The following CASK variants were observed in gnomAD, a reference collection of about 807,000 sequenced individuals.
CASK encodes the protein peripheral plasma membrane protein CASK.
Under a neutral mutation model 82.9 loss-of-function variants are expected in CASK, and 4 were observed. That is an observed-to-expected ratio of 0.05 (90% CI 0.02 to 0.11). The LOEUF (loss-of-function observed/expected upper bound fraction) is 0.11. CASK is among the 10% of genes least tolerant of loss of function. The probability of loss-of-function intolerance (pLI) is 1.00; values close to 1 mark genes in which losing one functional copy is unlikely to be tolerated. For synonymous variants in CASK, 259 were observed against 253.5 expected, an observed-to-expected ratio of 1.02 and a Z score of -0.20; for missense variants, 358 against 720.9, an observed-to-expected ratio of 0.50 and a Z score of 5.76.
At chrX:41,775,088 T>C (rs2069327349) in intron 3 of CASK, among the ~76,000 whole-genome samples, 2 of 105,546 alleles carry the variant, frequency 1.9e-5, no homozygotes, top group South Asian at 8.9e-4. Flanking sequence ...ACCATCAGAG[T>C]GAACAGGCAA....
intron 26 of CASK, among the ~76,000 whole-genome samples, chrX:41,522,738 C>A (rs1425927401): frequency 8.9e-6 from 1 of 112,338 alleles, no homozygotes; most frequent in Non-Finnish European, 1.9e-5. Flanking sequence ...GAAAGTATCA[C>A]ATTTTTAATG....
At chrX:41,756,184 T>TAGGACAGACAGTATTGA (rs2068890654) in intron 3 of CASK, among the ~76,000 whole-genome samples, 1 of 111,743 alleles carries the variant, frequency 8.9e-6, no homozygotes, top group Non-Finnish European at 1.9e-5. Flanking sequence ...CCTACAAAGC[T>TAGGACAGACAGTATTGA]CAGTAATTAA....
At chrX:41,603,491 C>A (rs1444815151) in intron 12 of CASK, among the ~76,000 whole-genome samples, 1 of 112,123 alleles carries the variant, frequency 8.9e-6, no homozygotes, top group Non-Finnish European at 1.9e-5. Context: ...GTTGGCCATA[C>A]AAAATATGAA....
At chrX:41,573,075 CTTTTTT>C (rs147599527) in intron 15 of CASK, among the ~76,000 whole-genome samples, 1 of 87,912 alleles carries the variant, frequency 1.1e-5, no homozygotes, top group Non-Finnish European at 2.3e-5. Context: ...TTTCTTTTTT[CTTTTTT>C]TTTTTTTTTT....
chrX:41,739,306 AAAG>A (rs1233712768), intron 5 of CASK, 75 bp downstream of exon 5: 22 of 666,937 alleles, frequency 3.3e-5, no homozygotes, highest in Admixed American at 1.5e-4. Context: ...TGACAATATT[AAAG>A]AAGAATTCTT....
At chrX:41,610,159 A>G (rs2066023177) in intron 11 of CASK, 134 bp from the exon 12 acceptor site, 4 of 592,299 alleles carry the variant, frequency 6.8e-6, no homozygotes, top group Non-Finnish European at 1.1e-5. Context: ...TTACTGAAGG[A>G]TAGACTTAAA....
At chrX:41,781,231 C>T (rs1163583050) in intron 3 of CASK, among the ~76,000 whole-genome samples, 1 of 112,691 alleles carries the variant, frequency 8.9e-6, no homozygotes, top group Non-Finnish European at 1.9e-5. Flanking sequence ...GCCACTGAGC[C>T]CAGCCATCAA....
chrX:41,684,096 G>A (rs1020555065), intron 5 of CASK, among the ~76,000 whole-genome samples: 4 of 112,102 alleles, frequency 3.6e-5, no homozygotes, highest in African/African-American at 6.5e-5. Flanking sequence ...TTTCATTATC[G>A]TAACTGATTC....
chrX:41,604,420 G>A (rs898835200), intron 12 of CASK, among the ~76,000 whole-genome samples: 3 of 104,856 alleles, frequency 2.9e-5, no homozygotes, highest in African/African-American at 1.0e-4. Context: ...ATGTGATGAC[G>A]GAAAAAGAGA....
chrX:41,680,977 T>C (rs1354094859), intron 5 of CASK, among the ~76,000 whole-genome samples: 1 of 112,401 alleles, frequency 8.9e-6, no homozygotes, highest in Non-Finnish European at 1.9e-5. Context: ...TATTCAATTA[T>C]AGCATTTTTA....
chrX:41,870,347 G>A (rs1007556795), intron 1 of CASK, among the ~76,000 whole-genome samples: 1 of 111,769 alleles, frequency 8.9e-6, no homozygotes, highest in African/African-American at 3.3e-5. Flanking sequence ...AAAATAAAGT[G>A]CCATCCAAAT....
At chrX:41,648,633 C>T (rs758209478) in intron 8 of CASK, among the ~76,000 whole-genome samples, 4 of 111,406 alleles carry the variant, frequency 3.6e-5, no homozygotes, top group Non-Finnish European at 5.7e-5. Flanking sequence ...TTTATCATGC[C>T]GGCCGACGCT....
chrX:41,782,025 C>T (rs2069488043), intron 3 of CASK, among the ~76,000 whole-genome samples: 1 of 111,550 alleles, frequency 9.0e-6, no homozygotes. Context: ...TGAGTATCAA[C>T]TGATCATGAC....
At chrX:41,921,408 TGTTAA>T (rs1238421848) in intron 1 of CASK, among the ~76,000 whole-genome samples, 2 of 112,086 alleles carry the variant, frequency 1.8e-5, no homozygotes, top group East Asian at 5.5e-4. Context: ...CATGTTGAAA[TGTTAA>T]GTTTGGATCT....
At chrX:41,673,598 T>C (rs1443890924) in intron 5 of CASK, among the ~76,000 whole-genome samples, 1 of 111,153 alleles carries the variant, frequency 9.0e-6, no homozygotes, top group East Asian at 2.8e-4. Context: ...ATGGGTAATA[T>C]CTGAACAGAG....
Position 41,917,896 on chromosome X carries a change from C to T in CASK, c.59+5034G>A, listed in dbSNP as rs185477449. Among the ~76,000 whole-genome samples, 316 of 111,792 alleles carry T rather than the reference C, an allele frequency of 2.8e-3. 3 individuals are homozygous for T. The highest frequency in any genetic ancestry group is 5.3e-3 in the Non-Finnish European group (280 of 53,114). ...GCCTGCTATCTGTAGCATCCACACCCTGAGTTCAAAAGGATTTTCCTCTGT... is the reference window on the plus strand; with the variant it reads ...GCCTGCTATCTGTAGCATCCACACCTTGAGTTCAAAAGGATTTTCCTCTGT... On this transcript the variant is annotated intron_variant, in intron 1 of 26. Transcript: ENST00000378163.
intron 8 of CASK, among the ~76,000 whole-genome samples, chrX:41,646,861 C>G (rs1418935315): frequency 1.8e-5 from 2 of 111,668 alleles, no homozygotes; most frequent in Non-Finnish European, 3.8e-5. Flanking sequence ...GGTTCGAGCT[C>G]AAGAAGGAAT....
intron 21 of CASK, among the ~76,000 whole-genome samples, chrX:41,544,576 A>AC (rs1191780771): frequency 2.0e-3 from 216 of 106,595 alleles, no homozygotes; most frequent in African/African-American, 6.4e-3. Flanking sequence ...AAAAAAAAAA[A>AC]AAAAAAAAAA....
At chrX:41,859,538 C>G (rs751617981) in intron 1 of CASK, among the ~76,000 whole-genome samples, 1 of 111,597 alleles carries the variant, frequency 9.0e-6, no homozygotes, top group Non-Finnish European at 1.9e-5. Flanking sequence ...AACAAGTCAT[C>G]TTTTCAAAGT....
Sources: gnomAD v4.1 joint callset for allele counts (sites outside exome capture counted in the v4.1 genomes callset) on GRCh38, gnomAD v4.1.1 for gene constraint, MANE v1.5 for transcripts, NCBI Gene and HGNC (gene_info 2026-07-23, HGNC 2026-07-21) for gene names.